MAGI1: variants seen among roughly 807,000 people sequenced by gnomAD.
The protein encoded by MAGI1 is membrane-associated guanylate kinase, WW and PDZ domain-containing protein 1.
In MAGI1, 58 loss-of-function variants were observed where a neutral mutation model predicts 139.9. That is an observed-to-expected ratio of 0.41 (90% CI 0.34 to 0.52). The LOEUF is 0.52. Ranked by LOEUF, MAGI1 falls within the 20% of genes least tolerant of loss-of-function variation. The pLI is 0.12. For missense variants in MAGI1, 1,874 were observed against 1,901.6 expected (o/e 0.99, Z 0.27); for synonymous variants, 812 against 737.9 (o/e 1.10, Z -1.63).
At chr3:65,877,308 C>T (rs2060154442) in intron 1 of MAGI1, among the ~76,000 whole-genome samples, 1 of 152,178 alleles carries the variant, frequency 6.6e-6, no homozygotes, top group African/African-American at 2.4e-5. Context: ...CAAGGTACAA[C>T]TCCCTCTTTA....
chr3:65,509,786 C>T (rs2077486297), intron 2 of MAGI1, among the ~76,000 whole-genome samples: 1 of 152,036 alleles, frequency 6.6e-6, no homozygotes, highest in Non-Finnish European at 1.5e-5. Context: ...GAAGCTCGAA[C>T]TGGGTGGAGC....
chr3:65,572,804 G>A (rs1238708031), intron 2 of MAGI1, among the ~76,000 whole-genome samples: 2 of 151,702 alleles, frequency 1.3e-5, no homozygotes, highest in Non-Finnish European at 2.9e-5. Context: ...TTCAAGGTCA[G>A]ACCTGTCTAG....
intron 2 of MAGI1, among the ~76,000 whole-genome samples, chr3:65,591,829 G>A (rs2081977328): frequency 6.6e-6 from 1 of 152,070 alleles, no homozygotes; most frequent in Admixed American, 6.6e-5. Context: ...TTATGCACAT[G>A]GCTCCTTCCC....
intron 4 of MAGI1, among the ~76,000 whole-genome samples, chr3:65,478,233 T>C (rs928269027): frequency 1.3e-5 from 2 of 152,062 alleles, no homozygotes; most frequent in Admixed American, 6.6e-5. Flanking sequence ...GCCATAATGA[T>C]AGAGATGCTG....
chr3:65,886,995 A>C (rs1219770311), intron 1 of MAGI1, among the ~76,000 whole-genome samples: 1 of 152,208 alleles, frequency 6.6e-6, no homozygotes, highest in Non-Finnish European at 1.5e-5. Flanking sequence ...TAAAGTACCT[A>C]GTTAATGTCA....
Position 65,990,276 on chromosome 3 carries a change from G to A in MAGI1, c.313+47720C>T, listed in dbSNP as rs143513384. ...TACTATAAATACCAGGCAGGTTCTC[G>A]GTCAGCATTCCACCACTGGCAAAAA... is the stretch of plus-strand genomic sequence containing the variant. On this transcript the variant is annotated intron_variant, in intron 1 of 22. Coordinates refer to ENST00000402939, the MANE Select transcript of MAGI1 (RefSeq NM_001033057.2). 1.1e-3 allele frequency among the ~76,000 whole-genome samples: 160 copies of A among 152,212 alleles called. 1 individual carries two copies. The highest frequency in any genetic ancestry group is 3.3e-3 in the African/African-American group (136 of 41,540).
chr3:65,729,125 G>GT (rs1359456037), intron 1 of MAGI1, among the ~76,000 whole-genome samples: 2 of 70,566 alleles, frequency 2.8e-5, no homozygotes, highest in African/African-American at 1.4e-4. Flanking sequence ...TGGAACGGGG[G>GT]GGGGGGGGGG....
chr3:65,515,162 G>T (rs1472328034), intron 2 of MAGI1, among the ~76,000 whole-genome samples: 30 of 115,410 alleles, frequency 2.6e-4, no homozygotes, highest in Non-Finnish European at 4.4e-4. Flanking sequence ...ACTGTGGTGG[G>T]GTGGGGGGAG....
At chr3:65,492,641 G>A (rs1232688463) in intron 3 of MAGI1, among the ~76,000 whole-genome samples, 3 of 152,086 alleles carry the variant, frequency 2.0e-5, no homozygotes, top group Non-Finnish European at 4.4e-5. Flanking sequence ...GAAGAAATGG[G>A]AATATCCATA....
chr3:65,449,879 A>G (rs1948922126), intron 6 of MAGI1, among the ~76,000 whole-genome samples: 1 of 152,210 alleles, frequency 6.6e-6, no homozygotes, highest in African/African-American at 2.4e-5. Flanking sequence ...CAACAGAGTA[A>G]GATACATGAG....
intron 2 of MAGI1, among the ~76,000 whole-genome samples, chr3:65,620,158 T>C (rs1416870183): frequency 6.6e-6 from 1 of 152,156 alleles, no homozygotes; most frequent in Non-Finnish European, 1.5e-5. Flanking sequence ...ATTTGCTTCA[T>C]CCCCATTTCT....
At chr3:65,509,453 G>A (rs1012402593) in intron 2 of MAGI1, among the ~76,000 whole-genome samples, 4 of 152,180 alleles carry the variant, frequency 2.6e-5, no homozygotes, top group African/African-American at 4.8e-5. Context: ...TGCGCGTACC[G>A]TGCGCAAGCC....
chr3:65,415,653 C>T (rs925429504), intron 12 of MAGI1, among the ~76,000 whole-genome samples: 1 of 152,190 alleles, frequency 6.6e-6, no homozygotes, highest in Non-Finnish European at 1.5e-5. Flanking sequence ...CAAAAAATAA[C>T]CCAGAAGTGG....
At chr3:65,808,533 AAAATG>A (rs1256781668) in intron 1 of MAGI1, among the ~76,000 whole-genome samples, 10 of 152,190 alleles carry the variant, frequency 6.6e-5, no homozygotes, top group Non-Finnish European at 1.3e-4. Context: ...GTAAATAAAT[AAAATG>A]AAACTGGTCT....
At chr3:65,816,169 T>C (rs2041587770) in intron 1 of MAGI1, among the ~76,000 whole-genome samples, 1 of 152,028 alleles carries the variant, frequency 6.6e-6, no homozygotes, top group Non-Finnish European at 1.5e-5. Context: ...GATTTTAATG[T>C]AGAGTCATGG....
In MAGI1 at chr3:65,950,126, G is replaced by GCT. The variant is rs34453793; in HGVS notation, c.313+87869_313+87870insAG. Among the ~76,000 whole-genome samples the GCT allele has an allele frequency of 1.1e-4, 11 of 102,392 alleles. 1 individual carries two copies. Among genetic ancestry groups the GCT allele is most frequent in the Non-Finnish European group, 1.8e-4 (10 of 54,148 alleles). The allele number at this position is 102,392 out of a possible 152,430, so 67.2% of individuals were successfully genotyped here. ...AAAAAACAGAACTAGCAATATTACT[G>GCT]TTTTTTTTTTTTTTACTTTACAGCT... On this transcript the variant is annotated intron_variant, in intron 1 of 22. Transcript: ENST00000402939.
chr3:65,536,452 G>T (rs2078961621), intron 2 of MAGI1, among the ~76,000 whole-genome samples: 1 of 152,130 alleles, frequency 6.6e-6, no homozygotes, highest in Non-Finnish European at 1.5e-5. Context: ...TGAGCATTCT[G>T]GCTGGCTCCT....
intron 1 of MAGI1, among the ~76,000 whole-genome samples, chr3:65,855,871 C>T (rs2059363374): frequency 6.6e-6 from 1 of 151,660 alleles, no homozygotes; most frequent in African/African-American, 2.4e-5. Context: ...CTCATTCTTT[C>T]CCTCACTTAC....
intron 2 of MAGI1, among the ~76,000 whole-genome samples, chr3:65,554,507 C>T (rs1392828713): frequency 6.6e-6 from 1 of 152,140 alleles, no homozygotes; most frequent in African/African-American, 2.4e-5. Flanking sequence ...GGCAGCTGGA[C>T]AAGGGTGATC....
Sources: gnomAD v4.1 joint callset for allele counts (sites outside exome capture counted in the v4.1 genomes callset) on GRCh38, gnomAD v4.1.1 for gene constraint, MANE v1.5 for transcripts, NCBI Gene and HGNC (gene_info 2026-07-23, HGNC 2026-07-21) for gene names.